SEMA4B: variants seen among roughly 807,000 people sequenced by gnomAD.
SEMA4B encodes the protein semaphorin-4B.
Under a neutral mutation model 88.1 loss-of-function variants are expected in SEMA4B, and 55 were observed. The observed-to-expected ratio is 0.62, with a 90% CI of 0.50 to 0.78. The LOEUF (loss-of-function observed/expected upper bound fraction) is 0.78. Among genes scored for constraint, SEMA4B ranks in the 30% least tolerant of loss-of-function variants. The probability of loss-of-function intolerance (pLI) is 0.00; values close to 1 mark genes in which losing one functional copy is unlikely to be tolerated. For missense variants in SEMA4B, 1,062 were observed against 1,111.9 expected, an observed-to-expected ratio of 0.96 and a Z score of 0.64; for synonymous variants, 525 against 473.6, an observed-to-expected ratio of 1.11 and a Z score of -1.41.
At chr15:90,222,307 C>T (rs867113803) in intron 7 of SEMA4B, among the ~76,000 whole-genome samples, 21 of 148,040 alleles carry the variant, frequency 1.4e-4, no homozygotes, top group South Asian at 1.1e-3. Flanking sequence ...TGGTGGCTCA[C>T]GCCTGTAATC....
At position 90,194,258 on chromosome 15, in the gene SEMA4B, G is replaced by A. The variant is rs528838853; in HGVS notation, c.-121-7200G>A. Among the ~76,000 whole-genome samples, 107 of 152,148 alleles carry A rather than the reference G, an allele frequency of 7.0e-4. 3 individuals are homozygous for A. The South Asian group carries it at 0.02, about 29-fold the overall frequency. ...ATAAAAGATATTGATCAGGCCAGGC[G>A]TGGTGGCTCACACCTGTAATCCCAG... On this transcript the variant is annotated intron_variant, in intron 1 of 14. Transcript: ENST00000332496.
At position 90,212,838 on chromosome 15, in the gene SEMA4B, G is replaced by A. The variant is rs1961340225; in HGVS notation, c.158-4601G>A. 6.6e-6 allele frequency among the ~76,000 whole-genome samples: 1 copy of A among 152,212 alleles called. No individual in the cohort carries two copies. Among genetic ancestry groups the A allele is most frequent in the South Asian group, 2.1e-4 (1 of 4,832 alleles). ...CTCTGTTTCTGAGCTGATGCCGTCT[G>A]GCTTTGGCCATGAGACCCTCGTGTG... On this transcript the variant is annotated intron_variant, in intron 1 of 13. Transcript: ENST00000411539. The surrounding 1 kb of genome is among the most constrained non-coding windows in gnomAD (Gnocchi z 4.0).
chr15:90,217,908 G>A, intron 3 of SEMA4B, 79 bp downstream of exon 3: 1 of 1,245,192 alleles, frequency 8.0e-7, no homozygotes, highest in African/African-American at 1.5e-5. Flanking sequence ...AGAGGCGGGA[G>A]GTGGGAGCAG....
At chr15:90,227,711 A>G (rs902167928) in intron 13 of SEMA4B, 69 bp downstream of exon 13, 6 of 1,545,982 alleles carry the variant, frequency 3.9e-6, no homozygotes, top group African/African-American at 2.7e-5. Context: ...TCCCCCAGGC[A>G]CAGATGTTGT....
chr15:90,214,034 T>C (rs1156555156), intron 1 of SEMA4B, among the ~76,000 whole-genome samples: 2 of 152,150 alleles, frequency 1.3e-5, no homozygotes, highest in Non-Finnish European at 2.9e-5. Flanking sequence ...CTTCCCCATT[T>C]GCTGCCAGGT....
chr15:90,220,856 C>T, intron 4 of SEMA4B, 126 bp from the exon 5 acceptor site: 1 of 656,942 alleles, frequency 1.5e-6, no homozygotes, highest in South Asian at 1.8e-5. Flanking sequence ...GACACCTGAC[C>T]CCTTCTGTCC....
upstream of SEMA4B, among the ~76,000 whole-genome samples, chr15:90,197,511 C>T (rs1393986548): frequency 6.6e-6 from 1 of 151,724 alleles, no homozygotes; most frequent in Non-Finnish European, 1.5e-5. Flanking sequence ...GATCTCGGCT[C>T]ACTGCAAGCT....
intron 7 of SEMA4B, 119 bp from the exon 8 acceptor site, chr15:90,223,440 C>A: frequency 1.2e-6 from 1 of 855,754 alleles, no homozygotes; most frequent in Non-Finnish European, 1.7e-6. Context: ...TTGGTCCTGG[C>A]CTTCTCCTGC....
At chr15:90,221,239 T>G (rs1961820609) in intron 5 of SEMA4B, 128 bp from the exon 6 acceptor site, 3 of 1,149,036 alleles carry the variant, frequency 2.6e-6, no homozygotes, top group Middle Eastern at 4.0e-4. Context: ...GTTTGGTTTT[T>G]CCAAGTTCCA....
intron 1 of SEMA4B, 101 bp from the exon 2 acceptor site, chr15:90,217,338 T>C (rs931823956): frequency 1.6e-6 from 2 of 1,278,544 alleles, no homozygotes; most frequent in African/African-American, 3.0e-5. Context: ...CCCTTTGCCT[T>C]GCTGATTACC....
rs192895464 is a variant in SEMA4B at position 90,217,209 on chromosome 15, G to A, written c.158-230G>A. 2.3e-4 allele frequency: 102 copies of A among 443,680 alleles called. 1 individual carries two copies. The highest frequency in any genetic ancestry group is 1.7e-3 in the African/African-American group (84 of 49,644). 27.5% of individuals were successfully genotyped at this position (443,680 alleles called of 1,614,324 possible). Reference sequence around the variant, plus strand: ...GTTTTTTATTAATGTGAAGGGTGCCGTAGTAAGTATCCTTGTACATACATC... The same window carrying A: ...GTTTTTTATTAATGTGAAGGGTGCCATAGTAAGTATCCTTGTACATACATC... On this transcript the variant is annotated intron_variant, in intron 1 of 13. Coordinates refer to ENST00000411539, the MANE Select transcript of SEMA4B (RefSeq NM_198925.4).
chr15:90,223,726 C>T lies in SEMA4B; in HGVS notation c.1029C>T (p.Val343=), dbSNP rs1173290547. ...QDWRDTLFYG[V]FTSQWHRGTT... ...GGCGTGACACCCTTTTCTATGGGGT[C>T]TTCACTTCCCAGTGGTAGGGCCTCC... Residue 343 remains valine, a synonymous_variant, in exon 8 of 14, where the codon GTC becomes GTT. Coordinates refer to ENST00000411539, the MANE Select transcript of SEMA4B (RefSeq NM_198925.4). 1 of 1,606,816 alleles carries T rather than the reference C, an allele frequency of 6.2e-7. No individual in the cohort carries two copies. Among genetic ancestry groups the T allele is most frequent in the Non-Finnish European group, 8.5e-7 (1 of 1,174,640 alleles).
chr15:90,204,794 G>C (rs1178839286), intron 1 of SEMA4B, among the ~76,000 whole-genome samples: 1 of 152,068 alleles, frequency 6.6e-6, no homozygotes, highest in African/African-American at 2.4e-5. Context: ...TTGTTATTTT[G>C]AGATGGAGTT....
rs767458110 is a variant in SEMA4B at position 90,212,665 on chromosome 15, C to T, written c.158-4774C>T. Among the ~76,000 whole-genome samples the T allele has an allele frequency of 6.6e-6, 1 of 151,884 alleles. No individual in the cohort carries two copies. The highest frequency in any genetic ancestry group is 1.5e-5 in the Non-Finnish European group (1 of 67,950). On this transcript the variant is annotated intron_variant, in intron 1 of 13. Coordinates refer to ENST00000411539, the MANE Select transcript of SEMA4B (RefSeq NM_198925.4). This position sits in a 1 kb window ranked among gnomAD's most constrained non-coding sequence, Gnocchi z 4.0. ...GTGTACACACACACACACACACACA[C>T]ACCACAGGCAAGCTCAGGCAGGGTC...
At chr15:90,192,944 GTGTA>G (rs1004702149) in intron 1 of SEMA4B, among the ~76,000 whole-genome samples, 1 of 152,104 alleles carries the variant, frequency 6.6e-6, no homozygotes, top group African/African-American at 2.4e-5. Flanking sequence ...TTCTGTCCTT[GTGTA>G]TGTATGTGTG....
At chr15:90,197,247 G>A (rs988756375), upstream of SEMA4B, among the ~76,000 whole-genome samples, 3 of 151,908 alleles carry the variant, frequency 2.0e-5, no homozygotes, top group South Asian at 2.1e-4. Context: ...AAAATTATCC[G>A]AGTGTGGTGG....
intron 1 of SEMA4B, among the ~76,000 whole-genome samples, chr15:90,193,802 C>A (rs1267454856): frequency 6.6e-6 from 1 of 151,792 alleles, no homozygotes; most frequent in Non-Finnish European, 1.5e-5. Context: ...TAGCTAGTAC[C>A]TTGACTTTGA....
chr15:90,225,575 C>T, intron 11 of SEMA4B, 86 bp from the exon 12 acceptor site: 2 of 1,469,382 alleles, frequency 1.4e-6, no homozygotes, highest in Non-Finnish European at 1.8e-6. Flanking sequence ...TTGGGGGTGG[C>T]TCTGGGAGGC....
chr15:90,210,283 C>A (rs1961200453), intron 1 of SEMA4B, among the ~76,000 whole-genome samples: 1 of 152,152 alleles, frequency 6.6e-6, no homozygotes, highest in Non-Finnish European at 1.5e-5. Flanking sequence ...AGAGGCCCTT[C>A]TGCACTGTGG....
Sources: gnomAD v4.1 joint callset for allele counts (sites outside exome capture counted in the v4.1 genomes callset) on GRCh38, gnomAD v4.1.1 for gene constraint, Gnocchi (gnomAD v3.1) non-coding constraint, MANE v1.5 for transcripts, NCBI Gene and HGNC (gene_info 2026-07-23, HGNC 2026-07-21) for gene names.